The following SHISA6 variants were observed in gnomAD, a reference collection of about 807,000 sequenced individuals.
SHISA6 encodes shisa family member 6.
In SHISA6, 22 loss-of-function variants were observed where a neutral mutation model predicts 47.9. The ratio of observed to expected loss-of-function variants is 0.46; its 90% CI spans 0.33 to 0.66. The LOEUF is 0.66. SHISA6 is among the 30% of genes least tolerant of loss of function. SHISA6 has a pLI of 0.02. For missense variants in SHISA6, 680 were observed against 764.6 expected (o/e 0.89, Z 1.30); for synonymous variants, 388 against 337.8 (o/e 1.15, Z -1.63).
At chr17:11,310,884 G>A (rs1030583645) in intron 2 of SHISA6, among the ~76,000 whole-genome samples, 2 of 151,742 alleles carry the variant, frequency 1.3e-5, no homozygotes, top group Non-Finnish European at 2.9e-5. Flanking sequence ...CTAGGTGGGC[G>A]CATCACAAGG....
intron 3 of SHISA6, among the ~76,000 whole-genome samples, chr17:11,436,723 T>C (rs1914954082): frequency 1.3e-5 from 2 of 152,226 alleles, no homozygotes; most frequent in African/African-American, 4.8e-5. Flanking sequence ...AACACATGGA[T>C]GAATCCCAAT....
At chr17:11,390,033 C>T (rs1913334507) in intron 3 of SHISA6, among the ~76,000 whole-genome samples, 1 of 152,212 alleles carries the variant, frequency 6.6e-6, no homozygotes, top group Non-Finnish European at 1.5e-5. Flanking sequence ...CTGGTGTTCT[C>T]AGGGCATCAC....
chr17:11,493,028 C>A (rs1472189028), intron 3 of SHISA6, among the ~76,000 whole-genome samples: 2 of 152,154 alleles, frequency 1.3e-5, no homozygotes, highest in African/African-American at 4.8e-5. Context: ...GGTGGGGAAC[C>A]ATTCCCTGAT....
At chr17:11,378,959 A>G (rs566236847) in intron 2 of SHISA6, among the ~76,000 whole-genome samples, 2 of 152,002 alleles carry the variant, frequency 1.3e-5, no homozygotes, top group African/African-American at 2.4e-5. Flanking sequence ...GTGGTGGGAC[A>G]AATAGACTAA....
At chr17:11,421,776 G>A (rs1914457449) in intron 3 of SHISA6, among the ~76,000 whole-genome samples, 1 of 152,224 alleles carries the variant, frequency 6.6e-6, no homozygotes, top group African/African-American at 2.4e-5. Context: ...GCATGAGGCA[G>A]ATTCTTAGGT....
chr17:11,483,228 G>A (rs1019778172), intron 3 of SHISA6, among the ~76,000 whole-genome samples: 9 of 151,892 alleles, frequency 5.9e-5, no homozygotes, highest in Non-Finnish European at 1.2e-4. Context: ...TTGAACTTGG[G>A]AGGCGGAGGT....
intron 3 of SHISA6, among the ~76,000 whole-genome samples, chr17:11,453,435 C>T (rs1341200144): frequency 1.3e-5 from 2 of 152,166 alleles, no homozygotes. Flanking sequence ...ACAGTGCTTA[C>T]TTACTGCCTA....
chr17:11,563,770 T>C lies in SHISA6; in HGVS notation c.*5466T>C, dbSNP rs950875069. On this transcript the variant is annotated 3_prime_UTR_variant, in exon 6 of 6. Transcript: ENST00000441885. The stretch of plus-strand genomic sequence containing the variant: ...CCTAAGGGGGGATTAATGAACATTT[T>C]TATGCATTAGCCCAATTTATGAATT... The C allele has an allele frequency of 1.3e-5, 2 of 152,240 alleles. No individual in the cohort carries two copies. The highest frequency in any genetic ancestry group is 1.5e-5 in the Non-Finnish European group (1 of 68,046). The allele number at this position is 152,240 out of a possible 1,614,324, so 9.4% of individuals were successfully genotyped here. A position where few individuals can be genotyped will look rare whatever the true frequency, so the allele number is the denominator to read the frequency against.
intron 2 of SHISA6, among the ~76,000 whole-genome samples, chr17:11,336,134 G>T (rs532607606): frequency 1.8e-4 from 27 of 152,182 alleles, no homozygotes; most frequent in African/African-American, 6.5e-4. Context: ...GCTTCAACCT[G>T]GGAGGTGGAG....
At chr17:11,467,940 C>T (rs1261089847) in intron 3 of SHISA6, among the ~76,000 whole-genome samples, 1 of 152,096 alleles carries the variant, frequency 6.6e-6, no homozygotes, top group Non-Finnish European at 1.5e-5. Context: ...GCTTTCATAA[C>T]GTCCTTGATA....
chr17:11,279,431 T>A (rs948381182), intron 2 of SHISA6, among the ~76,000 whole-genome samples: 1 of 152,138 alleles, frequency 6.6e-6, no homozygotes, highest in Non-Finnish European at 1.5e-5. Context: ...ATTATTACTA[T>A]TAGGGAGCTA....
At chr17:11,304,459 A>G (rs1365543811) in intron 2 of SHISA6, among the ~76,000 whole-genome samples, 1 of 144,678 alleles carries the variant, frequency 6.9e-6, no homozygotes, top group East Asian at 2.4e-4. Flanking sequence ...GATGCCTGGG[A>G]TGCCTGGTAC....
At chr17:11,434,557 G>A (rs1365620794) in intron 3 of SHISA6, among the ~76,000 whole-genome samples, 2 of 152,168 alleles carry the variant, frequency 1.3e-5, no homozygotes, top group Admixed American at 1.3e-4. Context: ...CCATGTTTCT[G>A]AGCATAAAAC....
chr17:11,545,804 A>G (rs1452389497), intron 3 of SHISA6, among the ~76,000 whole-genome samples: 2 of 152,202 alleles, frequency 1.3e-5, no homozygotes. Context: ...TCAGCTGGGA[A>G]TATCAGCCCT....
chr17:11,516,039 T>G (rs2969229), intron 3 of SHISA6, among the ~76,000 whole-genome samples: 68,300 of 152,012 alleles, frequency 0.45, 15,411 homozygotes, highest in East Asian at 0.57. Context: ...CATAAAGATA[T>G]GTGGCAGATT....
At chr17:11,491,132 G>A (rs1353260558) in intron 3 of SHISA6, among the ~76,000 whole-genome samples, 1 of 152,196 alleles carries the variant, frequency 6.6e-6, no homozygotes, top group Non-Finnish European at 1.5e-5. Flanking sequence ...TGGACTAGGG[G>A]CCAGGGAAGT....
At chr17:11,413,521 G>A (rs1914196529) in intron 3 of SHISA6, among the ~76,000 whole-genome samples, 1 of 152,130 alleles carries the variant, frequency 6.6e-6, no homozygotes, top group African/African-American at 2.4e-5. Flanking sequence ...CAGAACTGGG[G>A]CATGCAACGA....
At chr17:11,543,906 T>C in intron 3 of SHISA6, among the ~76,000 whole-genome samples, 1 of 58,232 alleles carries the variant, frequency 1.7e-5, no homozygotes, top group East Asian at 5.0e-4. Flanking sequence ...TGGATATTTA[T>C]AAGCAAAAAA....
At chr17:11,350,170 A>G (rs371882781) in intron 2 of SHISA6, among the ~76,000 whole-genome samples, 1 of 105,412 alleles carries the variant, frequency 9.5e-6, no homozygotes, top group Non-Finnish European at 1.8e-5. Flanking sequence ...TTATTTATTT[A>G]TTTATTTATT....
Sources: gnomAD v4.1 joint callset for allele counts (sites outside exome capture counted in the v4.1 genomes callset) on GRCh38, gnomAD v4.1.1 for gene constraint, MANE v1.5 for transcripts, NCBI Gene and HGNC (gene_info 2026-07-23, HGNC 2026-07-21) for gene names.